The following RACGAP1 variants were observed in gnomAD, a reference collection of about 807,000 sequenced individuals.
RACGAP1 encodes the protein rac GTPase-activating protein 1.
Under a neutral mutation model 78.1 loss-of-function variants are expected in RACGAP1, and 30 were observed. That is an observed-to-expected ratio of 0.38 (90% CI 0.29 to 0.52). The LOEUF (loss-of-function observed/expected upper bound fraction) is 0.52. Ranked by LOEUF, RACGAP1 falls within the 20% of genes least tolerant of loss-of-function variation. RACGAP1 has a pLI of 0.82. For missense variants in RACGAP1, 587 were observed against 777.1 expected, an observed-to-expected ratio of 0.76 and a Z score of 2.91; for synonymous variants, 231 against 264.8, an observed-to-expected ratio of 0.87 and a Z score of 1.24.
chr12:50,000,739 T>G (rs1305455352), intron 7 of RACGAP1, among the ~76,000 whole-genome samples: 5 of 151,980 alleles, frequency 3.3e-5, no homozygotes, highest in African/African-American at 1.2e-4. Context: ...GGGATAAGGA[T>G]CCTACTGCAT....
At chr12:50,011,055 G>A (rs1005939325) in intron 2 of RACGAP1, among the ~76,000 whole-genome samples, 2 of 152,114 alleles carry the variant, frequency 1.3e-5, no homozygotes, top group African/African-American at 4.8e-5. Context: ...GAAGAGTACA[G>A]GCTGGGCACA....
In RACGAP1 at chr12:49,992,661, A is replaced by T. The variant is rs1212820890; in HGVS notation, c.1340-6T>A. 6.2e-7 allele frequency: 1 copy of T among 1,604,326 alleles called. No homozygotes were observed. Among genetic ancestry groups the T allele is most frequent in the Non-Finnish European group, 8.5e-7 (1 of 1,176,288 alleles). On this transcript the variant is annotated splice_region_variant and splice_polypyrimidine_tract_variant and intron_variant, in intron 12 of 16. Transcript: ENST00000312377. ...GTTGTCTTCATCTGTGATTTCTGTA[A>T]TTGAAAAGAAAGCACCAAGAGGCCT...
At position 49,990,101 on chromosome 12, in the gene RACGAP1, AG is replaced by A; in HGVS notation, c.*166del. ...ATATTATGTGACTTGAGGAGAAGGA[AG>A]GGGAGATATATATAGTTTTAATAAA... On this transcript the variant is annotated 3_prime_UTR_variant, in exon 17 of 17. Transcript: ENST00000312377. 1 of 510,048 alleles carries A rather than the reference AG, an allele frequency of 2.0e-6. No homozygotes were observed. 31.6% of individuals were successfully genotyped at this position (510,048 alleles called of 1,614,324 possible).
chr12:49,996,050 A>G (rs1157010449), intron 10 of RACGAP1, among the ~76,000 whole-genome samples: 1 of 152,184 alleles, frequency 6.6e-6, no homozygotes, highest in African/African-American at 2.4e-5. Context: ...CATGGCTCAC[A>G]CCTAGAATCC....
intron 3 of RACGAP1, among the ~76,000 whole-genome samples, chr12:50,005,618 A>C (rs7955428): frequency 4.1e-4 from 63 of 152,340 alleles, no homozygotes; most frequent in Middle Eastern, 3.4e-3. Context: ...AGTTTCTGCT[A>C]CAAGACTTTT....
At chr12:50,021,011 A>AG in intron 1 of RACGAP1, 1 of 547,780 alleles carries the variant, frequency 1.8e-6, no homozygotes, top group Non-Finnish European at 2.3e-6. Flanking sequence ...TATCAGTACT[A>AG]ACTCTGATAT....
Position 50,025,048 on chromosome 12 carries a change from C to A in RACGAP1, c.-5+350G>T, listed in dbSNP as rs949519925. 7.9e-5 allele frequency among the ~76,000 whole-genome samples: 12 copies of A among 152,124 alleles called. No homozygotes were observed. In the East Asian group the frequency reaches 2.3e-3, roughly 29 times the overall value. On this transcript the variant is annotated intron_variant, in intron 1 of 16. Transcript: ENST00000312377. ...TCTCAAACACCAGGGCTCTTCCCTTCGAAAACGATGGGGTGTCACTCCAAC... is the reference window on the plus strand; with the variant it reads ...TCTCAAACACCAGGGCTCTTCCCTTAGAAAACGATGGGGTGTCACTCCAAC...
intron 2 of RACGAP1, among the ~76,000 whole-genome samples, chr12:50,030,920 C>T (rs56306986): frequency 6.6e-6 from 1 of 150,820 alleles, no homozygotes; most frequent in African/African-American, 2.4e-5. Context: ...GCTGGGATTA[C>T]AGGCGCCCAC....
rs1221712043 is a variant in RACGAP1 at position 50,006,351 on chromosome 12, G to T, written c.288+83C>A. 13 of 1,435,344 alleles carry T rather than the reference G, an allele frequency of 9.1e-6. No individual in the cohort carries two copies. The Admixed American group carries it at 1.9e-4, about 20-fold the overall frequency. 88.9% of individuals were successfully genotyped at this position (1,435,344 alleles called of 1,614,324 possible). A position where few individuals can be genotyped will look rare whatever the true frequency, so the allele number is the denominator to read the frequency against. ...TCTTTAATGTGGAAGAAGAAACTAGGTATATTTGGCAAGTGGAAACTGTCA... is the reference window on the plus strand; with the variant it reads ...TCTTTAATGTGGAAGAAGAAACTAGTTATATTTGGCAAGTGGAAACTGTCA... On this transcript the variant is annotated intron_variant, in intron 3 of 16. Coordinates refer to ENST00000312377, the MANE Select transcript of RACGAP1 (RefSeq NM_001319999.2).
intron 16 of RACGAP1, 148 bp downstream of exon 16, chr12:49,990,535 AG>A: frequency 1.3e-6 from 1 of 787,928 alleles, no homozygotes; most frequent in Non-Finnish European, 2.0e-6. Flanking sequence ...ACCTTTTTAA[AG>A]AAGGAATCCT....
Position 50,025,423 on chromosome 12 carries a change from C to A in RACGAP1, c.-30G>T. ...TTCAGTCAGCCTGGCCCCACCTGGG[C>A]CACCCTTCACTTCGCTCCGCGCCTC... On this transcript the variant is annotated 5_prime_UTR_variant, in exon 1 of 17. Coordinates refer to ENST00000312377, the MANE Select transcript of RACGAP1 (RefSeq NM_001319999.2). The A allele has an allele frequency of 4.1e-6, 4 of 985,728 alleles. No individual in the cohort carries two copies. The African/African-American group carries it at 5.2e-5, about 13-fold the overall frequency. The allele number at this position is 985,728 out of a possible 1,614,324, so 61.1% of individuals were successfully genotyped here.
intron 2 of RACGAP1, among the ~76,000 whole-genome samples, chr12:50,007,111 G>C (rs1949020090): frequency 6.6e-6 from 1 of 152,122 alleles, no homozygotes; most frequent in Non-Finnish European, 1.5e-5. Context: ...AGTAGATGTA[G>C]ATTAATATTA....
chr12:49,991,845 T>C (rs113000319), intron 15 of RACGAP1, among the ~76,000 whole-genome samples, 153 bp downstream of exon 15: 1 of 151,614 alleles, frequency 6.6e-6, no homozygotes, highest in Non-Finnish European at 1.5e-5. Flanking sequence ...AAGGAGAACA[T>C]GGAAAAGCAA....
chr12:50,025,480 C>T lies in RACGAP1; in HGVS notation c.-87G>A, dbSNP rs1264905575. 3.0e-6 allele frequency: 3 copies of T among 985,550 alleles called. No homozygotes were observed. Among genetic ancestry groups the T allele is most frequent in the East Asian group, 1.1e-4 (1 of 8,840 alleles). 61.1% of individuals were successfully genotyped at this position (985,550 alleles called of 1,614,324 possible). A position where few individuals can be genotyped will look rare whatever the true frequency, so the allele number is the denominator to read the frequency against. On this transcript the variant is annotated 5_prime_UTR_variant, in exon 1 of 17. Coordinates refer to ENST00000312377, the MANE Select transcript of RACGAP1 (RefSeq NM_001319999.2). ...CGGCAGAGCAGCGCCGCGCCCACAG[C>T]TCCGGTTTGAAAACCTTCACCAACC...
upstream of RACGAP1, among the ~76,000 whole-genome samples, chr12:50,026,987 A>G (rs921891531): frequency 6.6e-6 from 1 of 152,208 alleles, no homozygotes; most frequent in African/African-American, 2.4e-5. Flanking sequence ...CTTGAACAAT[A>G]GCAGGCGTTC....
At chr12:49,999,062 A>G (rs1419135621) in intron 9 of RACGAP1, 79 bp downstream of exon 9, 16 of 1,455,384 alleles carry the variant, frequency 1.1e-5, no homozygotes, top group South Asian at 1.5e-5. Context: ...TTATAACACT[A>G]AAGTATTTAA....
Position 49,994,612 on chromosome 12 carries a change from C to G in RACGAP1, c.1045-103G>C, listed in dbSNP as rs1948130768. On this transcript the variant is annotated intron_variant, in intron 10 of 16. Coordinates refer to ENST00000312377, the MANE Select transcript of RACGAP1 (RefSeq NM_001319999.2). ...CTCCAATCTTATTCTCAAACTGGGA[C>G]ATCATGTCTACTTTTACATTCCTAT... 3 of 1,464,446 alleles carry G rather than the reference C, an allele frequency of 2.0e-6. No homozygotes were observed. In the Admixed American group the frequency reaches 8.0e-5, roughly 39 times the overall value. The allele number at this position is 1,464,446 out of a possible 1,614,324, so 90.7% of individuals were successfully genotyped here. A position where few individuals can be genotyped will look rare whatever the true frequency, so the allele number is the denominator to read the frequency against.
intron 15 of RACGAP1, among the ~76,000 whole-genome samples, chr12:49,991,026 A>G (rs1947802852): frequency 6.6e-6 from 1 of 152,210 alleles, no homozygotes; most frequent in African/African-American, 2.4e-5. Context: ...CACTTCACAA[A>G]TCTAACATCT....
intron 12 of RACGAP1, among the ~76,000 whole-genome samples, chr12:49,993,812 C>T (rs1040147030): frequency 8.0e-5 from 12 of 150,650 alleles, no homozygotes; most frequent in Admixed American, 6.0e-4. Flanking sequence ...TTTGGGAGGC[C>T]GAGGCAGGCA....
Sources: allele counts gnomAD v4.1 joint callset (sites outside exome capture counted in the v4.1 genomes callset), GRCh38; gene constraint gnomAD v4.1.1; transcripts MANE v1.5; gene names NCBI Gene and HGNC (gene_info 2026-07-23, HGNC 2026-07-21).